GNAI1: variants seen among roughly 807,000 people sequenced by gnomAD.
GNAI1 encodes the protein guanine nucleotide-binding protein G(i) subunit alpha-1.
In GNAI1, 11 loss-of-function variants were observed where a neutral mutation model predicts 38.9. That is an observed-to-expected ratio of 0.28 (90% confidence interval 0.18 to 0.47). The LOEUF (loss-of-function observed/expected upper bound fraction) is 0.47, where lower values mean the gene tolerates loss of function less well. Among genes scored for constraint, GNAI1 ranks in the 20% least tolerant of loss-of-function variants. The pLI is 0.99. For missense variants in GNAI1, 317 were observed against 436.9 expected, an observed-to-expected ratio of 0.73 and a Z score of 2.45; for synonymous variants, 166 against 145.1, an observed-to-expected ratio of 1.14 and a Z score of -1.04.
chr7:80,175,619 AC>A (rs1461437098), intron 1 of GNAI1, among the ~76,000 whole-genome samples: 2 of 150,094 alleles, frequency 1.3e-5, no homozygotes, highest in Admixed American at 1.3e-4. Flanking sequence ...GTCTGTCAAC[AC>A]CATTTTTCTA....
At chr7:80,188,814 C>G in intron 1 of GNAI1, 137 bp from the exon 2 acceptor site, 1 of 626,978 alleles carries the variant, frequency 1.6e-6, no homozygotes, top group Non-Finnish European at 2.9e-6. Context: ...TAGTATAAAA[C>G]AAAATTCAGC....
chr7:80,190,144 A>G (rs927075681), intron 3 of GNAI1, among the ~76,000 whole-genome samples: 1 of 152,058 alleles, frequency 6.6e-6, no homozygotes, highest in Non-Finnish European at 1.5e-5. Context: ...AGTGTCAGCT[A>G]GATTTTATTT....
At chr7:80,136,503 G>A (rs1787419323) in intron 1 of GNAI1, among the ~76,000 whole-genome samples, 1 of 152,160 alleles carries the variant, frequency 6.6e-6, no homozygotes, top group Admixed American at 6.5e-5. Context: ...AATGATCTGA[G>A]TCATTTTGCA....
intron 7 of GNAI1, among the ~76,000 whole-genome samples, chr7:80,214,785 C>G (rs565383373): frequency 6.6e-6 from 1 of 152,174 alleles, no homozygotes; most frequent in African/African-American, 2.4e-5. Flanking sequence ...TTCTCCTCCT[C>G]TTCTTTTTCC....
chr7:80,155,892 A>G (rs943301556), intron 1 of GNAI1, among the ~76,000 whole-genome samples: 3 of 151,950 alleles, frequency 2.0e-5, no homozygotes, highest in Non-Finnish European at 2.9e-5. Flanking sequence ...TGTGTCTACT[A>G]AAATTACAAA....
At chr7:80,188,066 G>A (rs970835003) in intron 1 of GNAI1, among the ~76,000 whole-genome samples, 2 of 151,986 alleles carry the variant, frequency 1.3e-5, no homozygotes, top group African/African-American at 4.8e-5. Context: ...TAACAATGAA[G>A]ATGAAAAAAC....
intron 1 of GNAI1, 79 bp downstream of exon 1, chr7:80,135,357 C>A: frequency 1.2e-6 from 1 of 860,682 alleles, no homozygotes; most frequent in Non-Finnish European, 1.6e-6. Flanking sequence ...GTTTGGAAAC[C>A]CGGAGGGAAG....
chr7:80,195,894 A>G (rs1788561372), intron 3 of GNAI1, among the ~76,000 whole-genome samples: 1 of 151,910 alleles, frequency 6.6e-6, no homozygotes, highest in Non-Finnish European at 1.5e-5. Context: ...CTTTTGCTCT[A>G]AGAATGCTCC....
rs1787382884 is a variant in GNAI1 at position 80,135,056 on chromosome 7, C to T, written c.-105C>T. 6.4e-6 allele frequency: 4 copies of T among 622,246 alleles called. No individual in the cohort carries two copies. The highest frequency in any genetic ancestry group is 9.9e-6 in the Non-Finnish European group (4 of 405,614). The allele number at this position is 622,246 out of a possible 1,614,324, so 38.5% of individuals were successfully genotyped here. A position where few individuals can be genotyped will look rare whatever the true frequency, so the allele number is the denominator to read the frequency against. On this transcript the variant is annotated 5_prime_UTR_variant, in exon 1 of 8. Transcript: ENST00000649796. Reference sequence around the variant, plus strand: ...GTGGTGGGGGCGGCGTGGCCCCCGTCGGGAGGCGTTCGAACGCCCGCTAGG... The same window carrying T: ...GTGGTGGGGGCGGCGTGGCCCCCGTTGGGAGGCGTTCGAACGCCCGCTAGG...
At chr7:80,178,527 G>T (rs1360044558) in intron 1 of GNAI1, among the ~76,000 whole-genome samples, 2 of 152,174 alleles carry the variant, frequency 1.3e-5, no homozygotes, top group Non-Finnish European at 2.9e-5. Flanking sequence ...TCAGTTGGCA[G>T]CCATCACCAT....
intron 1 of GNAI1, among the ~76,000 whole-genome samples, chr7:80,146,580 A>G (rs894485017): frequency 6.6e-6 from 1 of 152,098 alleles, no homozygotes; most frequent in Admixed American, 6.6e-5. Context: ...TATGCATAGA[A>G]GTAATTTTGA....
intron 1 of GNAI1, chr7:80,135,860 C>A (rs1304413927): frequency 1.0e-6 from 1 of 984,954 alleles, no homozygotes; most frequent in Non-Finnish European, 1.2e-6. Context: ...TGATTACATT[C>A]CCCCTGCGCT....
intron 1 of GNAI1, among the ~76,000 whole-genome samples, chr7:80,179,889 T>A (rs1788259690): frequency 1.3e-5 from 2 of 152,168 alleles, no homozygotes; most frequent in Admixed American, 1.3e-4. Flanking sequence ...GTGTCTGACC[T>A]CTGTCCCAGA....
chr7:80,156,042 C>CAA (rs1182960135), intron 1 of GNAI1, among the ~76,000 whole-genome samples: 6,349 of 68,204 alleles, frequency 0.093, 242 homozygotes, highest in Non-Finnish European at 0.12. Context: ...GACTCTGTCT[C>CAA]AAAAAAAAAA....
intron 6 of GNAI1, 95 bp from the exon 7 acceptor site, chr7:80,212,621 A>G: frequency 1.5e-6 from 1 of 684,056 alleles, no homozygotes; most frequent in South Asian, 2.7e-5. Context: ...TTCAATCACT[A>G]AACTCTGTTT....
chr7:80,145,761 C>T (rs77416740), intron 1 of GNAI1, among the ~76,000 whole-genome samples: 1 of 151,956 alleles, frequency 6.6e-6, no homozygotes, highest in East Asian at 1.9e-4. Flanking sequence ...AAATTGTGTC[C>T]TCTTATAATT....
chr7:80,199,145 T>TA, intron 3 of GNAI1, 80 bp from the exon 4 acceptor site: 2 of 960,218 alleles, frequency 2.1e-6, no homozygotes, highest in Non-Finnish European at 3.0e-6. Context: ...TTTTTTTTTT[T>TA]AACTCTAGAA....
At chr7:80,155,828 G>A (rs532749299) in intron 1 of GNAI1, among the ~76,000 whole-genome samples, 1 of 152,072 alleles carries the variant, frequency 6.6e-6, no homozygotes, top group South Asian at 2.1e-4. Flanking sequence ...AGGCTGAGGC[G>A]GGTGGATCAC....
rs557474931 is a variant in GNAI1, at chr7:80,225,799, T to A, written c.*8306T>A. On this transcript the variant is annotated 3_prime_UTR_variant, in exon 8 of 8. Transcript: ENST00000649796. Reference sequence around the variant, plus strand: ...TAGATTCTCAAACTTTCCATAAGATTTGAGTTCATTAGTTTAATGGGATCG... The same window carrying A: ...TAGATTCTCAAACTTTCCATAAGATATGAGTTCATTAGTTTAATGGGATCG... Among the ~76,000 whole-genome samples the A allele has an allele frequency of 1.3e-5, 2 of 152,348 alleles. No individual in the cohort carries two copies. The highest frequency in any genetic ancestry group is 4.8e-5 in the African/African-American group (2 of 41,586).
Sources: gnomAD v4.1 joint callset for allele counts (sites outside exome capture counted in the v4.1 genomes callset) on GRCh38, gnomAD v4.1.1 for gene constraint, MANE v1.5 for transcripts, NCBI Gene and HGNC (gene_info 2026-07-23, HGNC 2026-07-21) for gene names.